Variants in AGAP1 observed in about 807,000 individuals in gnomAD.
AGAP1 encodes the protein ArfGAP with GTPase domain, ankyrin repeat and PH domain 1.
AGAP1 carries 29 observed loss-of-function variants against 105.3 expected under a neutral mutation model. That is an observed-to-expected ratio of 0.28 (90% CI 0.21 to 0.38). AGAP1 has a LOEUF of 0.38. AGAP1 is among the 10% of genes least tolerant of loss of function. AGAP1 has a pLI of 1.00. For missense variants in AGAP1, 998 were observed against 1,165.1 expected, an observed-to-expected ratio of 0.86 and a Z score of 2.09; for synonymous variants, 509 against 485.9, an observed-to-expected ratio of 1.05 and a Z score of -0.63.
intron 9 of AGAP1, among the ~76,000 whole-genome samples, chr2:235,863,678 T>C (rs577586077): frequency 6.6e-6 from 1 of 152,308 alleles, no homozygotes; most frequent in South Asian, 2.1e-4. Flanking sequence ...AGCACATGGC[T>C]AACTACGGGT....
At chr2:235,603,766 T>C (rs1288786368) in intron 1 of AGAP1, among the ~76,000 whole-genome samples, 2 of 152,228 alleles carry the variant, frequency 1.3e-5, no homozygotes, top group South Asian at 2.1e-4. Context: ...TTTTCTCCTC[T>C]CATATCTGTG....
intron 1 of AGAP1, among the ~76,000 whole-genome samples, chr2:235,702,934 G>GTGTTTTTTTTTTTTTTTTTTTTTTTT (rs1553609552): frequency 1.1e-3 from 99 of 88,950 alleles, no homozygotes; most frequent in Non-Finnish European, 1.6e-3. Context: ...AGTTTTCTTG[G>GTGTTTTTTTTTTTTTTTTTTTTTTTT]TTTTTTTTTT....
In AGAP1 at chr2:235,555,873, CATTG is replaced by C. The variant is rs1246834058; in HGVS notation, c.163+61029_163+61032del. On this transcript the variant is annotated intron_variant, in intron 1 of 17. Transcript: ENST00000304032. This position sits in a 1 kb window ranked among gnomAD's most constrained non-coding sequence, Gnocchi z 5.1. Reference sequence around the variant, plus strand: ...CCTGAGTTTGCAGGTTTGTGCAGGGCATTGATTGGTTGGTTGGTTGATTGGCTGA... The same window carrying C: ...CCTGAGTTTGCAGGTTTGTGCAGGGCATTGGTTGGTTGGTTGATTGGCTGA... 6.6e-6 allele frequency among the ~76,000 whole-genome samples: 1 copy of C among 152,114 alleles called. No homozygotes were observed. Among genetic ancestry groups the C allele is most frequent in the Non-Finnish European group, 1.5e-5 (1 of 68,026 alleles).
chr2:235,640,688 A>G (rs1947160455), intron 1 of AGAP1, among the ~76,000 whole-genome samples: 1 of 152,124 alleles, frequency 6.6e-6, no homozygotes, highest in African/African-American at 2.4e-5. Context: ...ACCTACCACC[A>G]TTTTTATTCC....
rs141781143 is a variant in AGAP1, at chr2:236,117,139, T to C, written c.2115-3053T>C. Reference sequence around the variant, plus strand: ...ACAGTAGTGTGATTGCTGGATCAAATGGCAGTTCTACTTTCAGTTCTTTAA... The same window carrying C: ...ACAGTAGTGTGATTGCTGGATCAAACGGCAGTTCTACTTTCAGTTCTTTAA... On this transcript the variant is annotated intron_variant, in intron 16 of 17. Coordinates refer to ENST00000304032, the MANE Select transcript of AGAP1 (RefSeq NM_001037131.3). Among the ~76,000 whole-genome samples the C allele has an allele frequency of 1.6e-3, 239 of 152,360 alleles. 1 individual carries two copies. The highest frequency in any genetic ancestry group is 3.2e-3 in the Admixed American group (49 of 15,310).
chr2:235,718,694 T>C (rs1193017544), intron 3 of AGAP1, among the ~76,000 whole-genome samples: 1 of 152,180 alleles, frequency 6.6e-6, no homozygotes, highest in Non-Finnish European at 1.5e-5. Context: ...TGCCACCGTT[T>C]TGCAGAATTG....
rs2125418877 is a variant in AGAP1 at position 235,983,986 on chromosome 2, A to G, written c.1645+15363A>G. 1.3e-5 allele frequency among the ~76,000 whole-genome samples: 2 copies of G among 152,342 alleles called. No homozygotes were observed. The highest frequency in any genetic ancestry group is 1.3e-4 in the Admixed American group (2 of 15,298). Reference sequence around the variant, plus strand: ...TATATTTTCACATTCACAGTGCTGGACAACCATGACCGCCATTCCCAAAAC... The same window carrying G: ...TATATTTTCACATTCACAGTGCTGGGCAACCATGACCGCCATTCCCAAAAC... On this transcript the variant is annotated intron_variant, in intron 13 of 17. Transcript: ENST00000304032. This position sits in a 1 kb window ranked among gnomAD's most constrained non-coding sequence, Gnocchi z 4.5.
At chr2:235,847,021 G>A (rs184909521) in intron 9 of AGAP1, among the ~76,000 whole-genome samples, 6 of 152,328 alleles carry the variant, frequency 3.9e-5, no homozygotes, top group Admixed American at 3.9e-4. Flanking sequence ...TCCCAGGTTC[G>A]ACATGTTGAG....
intron 1 of AGAP1, among the ~76,000 whole-genome samples, chr2:235,616,969 T>C (rs548831095): frequency 1.6e-4 from 24 of 152,256 alleles, no homozygotes; most frequent in Non-Finnish European, 3.1e-4. Context: ...TTTATTTTTT[T>C]TTTTTAAGCT....
At chr2:235,656,981 T>G (rs1185670579) in intron 1 of AGAP1, among the ~76,000 whole-genome samples, 1 of 152,244 alleles carries the variant, frequency 6.6e-6, no homozygotes, top group Non-Finnish European at 1.5e-5. Context: ...TGCATGATTT[T>G]AAATGAATCC....
At chr2:235,810,657 C>T (rs1045122961) in intron 9 of AGAP1, among the ~76,000 whole-genome samples, 9 of 152,122 alleles carry the variant, frequency 5.9e-5, no homozygotes, top group African/African-American at 1.7e-4. Flanking sequence ...GGGAGCTTGC[C>T]AAATCATGAT....
intron 13 of AGAP1, among the ~76,000 whole-genome samples, chr2:236,023,482 A>G (rs2056949981): frequency 6.6e-6 from 1 of 152,190 alleles, no homozygotes; most frequent in South Asian, 2.1e-4. Flanking sequence ...TAGGGGAAAA[A>G]GAAAAAGGGC....
chr2:236,007,671 T>C (rs1286494980), intron 13 of AGAP1, among the ~76,000 whole-genome samples: 1 of 152,228 alleles, frequency 6.6e-6, no homozygotes, highest in East Asian at 1.9e-4. Flanking sequence ...GCCTGCAATA[T>C]ATTCTGTTAG....
chr2:235,673,782 T>C (rs1319899627), intron 1 of AGAP1, among the ~76,000 whole-genome samples: 2 of 152,220 alleles, frequency 1.3e-5, no homozygotes, highest in African/African-American at 2.4e-5. Flanking sequence ...CTTGAAAATA[T>C]AAAGGAAATT....
chr2:235,543,666 C>T, intron 1 of AGAP1, among the ~76,000 whole-genome samples: 1 of 152,124 alleles, frequency 6.6e-6, no homozygotes, highest in African/African-American at 2.4e-5. Context: ...GGGGGTTGAC[C>T]TCACTCTCCA....
chr2:235,990,094 C>G (rs574860680), intron 13 of AGAP1, among the ~76,000 whole-genome samples: 5 of 152,204 alleles, frequency 3.3e-5, no homozygotes, highest in Non-Finnish European at 5.9e-5. Context: ...CCCAAGTGCT[C>G]TACCGTTAGG....
rs2058764922 is a variant in AGAP1 at position 236,080,959 on chromosome 2, G to T, written c.2114+31678G>T. Reference sequence around the variant, plus strand: ...GGGCCTTGTCTTAACCGTATCTGCAGTTAGGTTGCCATGTAAGGTCACATA... The same window carrying T: ...GGGCCTTGTCTTAACCGTATCTGCATTTAGGTTGCCATGTAAGGTCACATA... On this transcript the variant is annotated intron_variant, in intron 16 of 17. Coordinates refer to ENST00000304032, the MANE Select transcript of AGAP1 (RefSeq NM_001037131.3). The surrounding 1 kb of genome is among the most constrained non-coding windows in gnomAD (Gnocchi z 4.2). 6.6e-6 allele frequency among the ~76,000 whole-genome samples: 1 copy of T among 152,212 alleles called. No homozygotes were observed. Among genetic ancestry groups the T allele is most frequent in the Non-Finnish European group, 1.5e-5 (1 of 68,042 alleles).
Position 235,830,261 on chromosome 2 carries a change from C to T in AGAP1, c.1050+22930C>T, listed in dbSNP as rs76311450. Among the ~76,000 whole-genome samples, 1,384 of 152,218 alleles carry T rather than the reference C, an allele frequency of 9.1e-3. 19 individuals are homozygous for T. Among genetic ancestry groups the T allele is most frequent in the Middle Eastern group, 0.02 (6 of 294 alleles). ...AGGCTACAGTCACCGTTTGAGTGCC[C>T]GTGGAGGATTGGTTTACTTAGTAAA... On this transcript the variant is annotated intron_variant, in intron 9 of 17. Transcript: ENST00000304032. The surrounding 1 kb of genome is among the most constrained non-coding windows in gnomAD (Gnocchi z 5.5).
chr2:236,107,979 C>T (rs1186187021), intron 16 of AGAP1, among the ~76,000 whole-genome samples: 3 of 152,254 alleles, frequency 2.0e-5, no homozygotes, highest in Non-Finnish European at 2.9e-5. Context: ...AGAAGTCAGG[C>T]GGGATATTTA....
Sources: allele counts gnomAD v4.1 joint callset (sites outside exome capture counted in the v4.1 genomes callset), GRCh38; gene constraint gnomAD v4.1.1; non-coding constraint Gnocchi (gnomAD v3.1); transcripts MANE v1.5; gene names NCBI Gene and HGNC (gene_info 2026-07-23, HGNC 2026-07-21).